PLGRKT: variants seen among roughly 807,000 people sequenced by gnomAD.
PLGRKT encodes plasminogen receptor with a C-terminal lysine.
Under a neutral mutation model 18.5 loss-of-function variants are expected in PLGRKT, and 22 were observed. That is an observed-to-expected ratio of 1.19 (90% confidence interval 0.85 to 1.70). The LOEUF (loss-of-function observed/expected upper bound fraction) is 1.70. PLGRKT is among the 40% of genes most tolerant of loss of function. The pLI is 0.00. For synonymous variants in PLGRKT, 72 were observed against 52.8 expected (o/e 1.36, Z -1.58); for missense variants, 235 against 174.4 (o/e 1.35, Z -1.96).
At chr9:5,411,393 A>G (rs1818362509) in intron 3 of PLGRKT, among the ~76,000 whole-genome samples, 1 of 149,942 alleles carries the variant, frequency 6.7e-6, no homozygotes, top group Non-Finnish European at 1.5e-5. Flanking sequence ...TCAAAAAAAA[A>G]AAAAAAGAAA....
At chr9:5,421,930 T>A (rs1476790839) in intron 3 of PLGRKT, among the ~76,000 whole-genome samples, 1 of 152,186 alleles carries the variant, frequency 6.6e-6, no homozygotes, top group Non-Finnish European at 1.5e-5. Flanking sequence ...AGTCACAATA[T>A]ACAAATAAAC....
chr9:5,361,674 T>C, intron 4 of PLGRKT, 84 bp downstream of exon 4: 1 of 1,356,690 alleles, frequency 7.4e-7, no homozygotes, highest in Non-Finnish European at 1.0e-6. Context: ...CAAAGTCTTA[T>C]TCTGGCCAAC....
chr9:5,418,398 A>G lies in PLGRKT; in HGVS notation c.81+13499T>C, dbSNP rs755875096. 2.4e-6 allele frequency: 2 copies of G among 817,260 alleles called. No homozygotes were observed. Among genetic ancestry groups the G allele is most frequent in the Non-Finnish European group, 2.1e-6 (1 of 472,386 alleles). 50.6% of individuals were successfully genotyped at this position (817,260 alleles called of 1,614,324 possible). On this transcript the variant is annotated intron_variant, in intron 3 of 5. Coordinates refer to ENST00000223864, the MANE Select transcript of PLGRKT (RefSeq NM_018465.4). This position sits in a 1 kb window ranked among gnomAD's most constrained non-coding sequence, Gnocchi z 4.2. Reference sequence around the variant, plus strand: ...CACAAGATGTCACAGTCAAGCGCTTAGAAATGCAGGACATGTTATGGAGCA... The same window carrying G: ...CACAAGATGTCACAGTCAAGCGCTTGGAAATGCAGGACATGTTATGGAGCA...
intron 3 of PLGRKT, among the ~76,000 whole-genome samples, chr9:5,386,310 C>G (rs141684484): frequency 1.3e-5 from 2 of 151,956 alleles, no homozygotes; most frequent in East Asian, 1.9e-4. Context: ...AGGTAATTCC[C>G]TGATACCTTT....
chr9:5,362,457 A>T (rs1363334640), intron 3 of PLGRKT, among the ~76,000 whole-genome samples: 1 of 152,246 alleles, frequency 6.6e-6, no homozygotes, highest in Non-Finnish European at 1.5e-5. Context: ...AACAGAAGGC[A>T]GATGGCTCAG....
At chr9:5,399,882 T>C (rs1467023668) in intron 3 of PLGRKT, among the ~76,000 whole-genome samples, 1 of 151,420 alleles carries the variant, frequency 6.6e-6, no homozygotes, top group South Asian at 2.1e-4. Flanking sequence ...TCCCAGCTAC[T>C]CAGGAAGCTG....
intron 3 of PLGRKT, among the ~76,000 whole-genome samples, chr9:5,394,452 G>A (rs1461030632): frequency 6.6e-6 from 1 of 151,848 alleles, no homozygotes; most frequent in Non-Finnish European, 1.5e-5. Context: ...TCGCTGTGTT[G>A]CCCAGGCTGG....
intron 3 of PLGRKT, among the ~76,000 whole-genome samples, chr9:5,370,677 G>T (rs922327611): frequency 6.6e-6 from 1 of 152,082 alleles, no homozygotes; most frequent in African/African-American, 2.4e-5. Context: ...GTTTTTATCC[G>T]AAATGAGAGT....
chr9:5,380,690 T>A (rs1817725376), intron 3 of PLGRKT, among the ~76,000 whole-genome samples: 1 of 152,226 alleles, frequency 6.6e-6, no homozygotes, highest in African/African-American at 2.4e-5. Context: ...AAATGTAAGC[T>A]CCATGAGGGC....
intron 3 of PLGRKT, among the ~76,000 whole-genome samples, chr9:5,415,464 T>C (rs1274564490): frequency 2.0e-5 from 3 of 152,170 alleles, no homozygotes; most frequent in Non-Finnish European, 2.9e-5. Context: ...CAATGAAAGA[T>C]GAAATCAGTG....
chr9:5,418,424 C>T lies in PLGRKT; in HGVS notation c.81+13473G>A, dbSNP rs1162272818. The stretch of plus-strand genomic sequence containing the variant: ...GAAATGCAGGACATGTTATGGAGCA[C>T]GATGCTGAGGAGGAAGACCAAGACG... On this transcript the variant is annotated intron_variant, in intron 3 of 5. Coordinates refer to ENST00000223864, the MANE Select transcript of PLGRKT (RefSeq NM_018465.4). The surrounding 1 kb of genome is among the most constrained non-coding windows in gnomAD (Gnocchi z 4.2). 6.0e-5 allele frequency: 53 copies of T among 885,280 alleles called. No individual in the cohort carries two copies. Among genetic ancestry groups the T allele is most frequent in the Non-Finnish European group, 8.4e-5 (44 of 526,462 alleles). The allele number at this position is 885,280 out of a possible 1,614,324, so 54.8% of individuals were successfully genotyped here.
rs573010540 is a variant in PLGRKT, at chr9:5,370,615, A to C, written c.82-8727T>G. Among the ~76,000 whole-genome samples the C allele has an allele frequency of 2.3e-4, 35 of 152,324 alleles. No individual in the cohort carries two copies. The East Asian group carries it at 6.2e-3, about 27-fold the overall frequency. On this transcript the variant is annotated intron_variant, in intron 3 of 5. Transcript: ENST00000223864. ...TTTGCAAAACTTTTATTTGCCAAAA[A>C]GTTATTCTACATGTTCTACCACAAA...
intron 3 of PLGRKT, among the ~76,000 whole-genome samples, chr9:5,416,266 T>C (rs1295738369): frequency 6.6e-6 from 1 of 152,114 alleles, no homozygotes; most frequent in Non-Finnish European, 1.5e-5. Flanking sequence ...TCTCTAGAAA[T>C]CCTCCTCCTC....
chr9:5,409,801 C>G (rs1472261155), intron 3 of PLGRKT, among the ~76,000 whole-genome samples: 4 of 152,170 alleles, frequency 2.6e-5, no homozygotes, highest in Admixed American at 2.6e-4. Flanking sequence ...GGGCCTGTAG[C>G]CCCTTTATTT....
intron 3 of PLGRKT, among the ~76,000 whole-genome samples, chr9:5,367,030 T>TACACATAC: frequency 8.9e-6 from 1 of 112,410 alleles, no homozygotes; most frequent in East Asian, 2.4e-4. Flanking sequence ...TACACACACA[T>TACACATAC]ACACACACAC....
intron 3 of PLGRKT, among the ~76,000 whole-genome samples, chr9:5,375,289 T>G (rs565320814): frequency 6.6e-6 from 1 of 152,076 alleles, no homozygotes; most frequent in Admixed American, 6.6e-5. Context: ...TTGAAAACAA[T>G]AGTGGTTCAT....
intron 3 of PLGRKT, among the ~76,000 whole-genome samples, chr9:5,383,667 A>G (rs1817787208): frequency 6.6e-6 from 1 of 152,140 alleles, no homozygotes; most frequent in Non-Finnish European, 1.5e-5. Context: ...AGATTCTCAT[A>G]AGGAGCATGC....
At chr9:5,423,252 A>G (rs1027033057) in intron 3 of PLGRKT, among the ~76,000 whole-genome samples, 5 of 152,206 alleles carry the variant, frequency 3.3e-5, no homozygotes, top group Admixed American at 2.6e-4. Context: ...GCTGTTTACC[A>G]AAGTATCTCT....
chr9:5,418,385 C>G lies in PLGRKT; in HGVS notation c.81+13512G>C. On this transcript the variant is annotated intron_variant, in intron 3 of 5. Transcript: ENST00000223864. This position sits in a 1 kb window ranked among gnomAD's most constrained non-coding sequence, Gnocchi z 4.2. ...AGCCCTCTCCAGCCACAAGATGTCA[C>G]AGTCAAGCGCTTAGAAATGCAGGAC... is the stretch of plus-strand genomic sequence containing the variant. The G allele has an allele frequency of 1.3e-6, 1 of 778,396 alleles. No individual in the cohort carries two copies. Among genetic ancestry groups the G allele is most frequent in the East Asian group, 2.7e-5 (1 of 36,420 alleles). 48.2% of individuals were successfully genotyped at this position (778,396 alleles called of 1,614,324 possible). A position where few individuals can be genotyped will look rare whatever the true frequency, so the allele number is the denominator to read the frequency against.
Sources: allele counts gnomAD v4.1 joint callset (sites outside exome capture counted in the v4.1 genomes callset), GRCh38; gene constraint gnomAD v4.1.1; non-coding constraint Gnocchi (gnomAD v3.1); transcripts MANE v1.5; gene names NCBI Gene and HGNC (gene_info 2026-07-23, HGNC 2026-07-21).